Variants in CHN2 observed in about 807,000 individuals in gnomAD.
CHN2 encodes the protein beta-chimaerin.
CHN2 carries 35 observed loss-of-function variants against 56.3 expected under a neutral mutation model. The ratio of observed to expected loss-of-function variants is 0.62; its 90% CI spans 0.47 to 0.82. The LOEUF (loss-of-function observed/expected upper bound fraction) is 0.82, where lower values mean the gene tolerates loss of function less well. Ranked by LOEUF, CHN2 falls within the 40% of genes least tolerant of loss-of-function variation. The pLI, the probability that CHN2 is intolerant of heterozygous loss-of-function variation, is 0.00. For synonymous variants in CHN2, 210 were observed against 212.8 expected, an observed-to-expected ratio of 0.99 and a Z score of 0.12; for missense variants, 491 against 580.5, an observed-to-expected ratio of 0.85 and a Z score of 1.58.
chr7:29,249,658 GTTAT>G (rs1472170903), intron 1 of CHN2, among the ~76,000 whole-genome samples: 1 of 152,208 alleles, frequency 6.6e-6, no homozygotes, highest in African/African-American at 2.4e-5. Context: ...TGGATTACAG[GTTAT>G]TTGAGTGTAG....
chr7:29,482,171 C>T (rs1228085740), intron 7 of CHN2, among the ~76,000 whole-genome samples: 1 of 152,190 alleles, frequency 6.6e-6, no homozygotes, highest in Non-Finnish European at 1.5e-5. Context: ...CCGTTAACAG[C>T]TCTTGAAAGA....
chr7:29,314,088 A>G (rs1005222983), intron 1 of CHN2, among the ~76,000 whole-genome samples: 1 of 152,252 alleles, frequency 6.6e-6, no homozygotes, highest in African/African-American at 2.4e-5. Context: ...AAAATTTCCA[A>G]GAGATATTTG....
intron 1 of CHN2, among the ~76,000 whole-genome samples, chr7:29,310,080 A>C (rs1051572705): frequency 1.3e-4 from 20 of 152,356 alleles, no homozygotes; most frequent in African/African-American, 4.8e-4. Context: ...TGAAGAGTAC[A>C]ATAAACTACA....
At chr7:29,412,349 G>C in intron 6 of CHN2, among the ~76,000 whole-genome samples, 1 of 25,360 alleles carries the variant, frequency 3.9e-5, no homozygotes, top group East Asian at 1.8e-3. Flanking sequence ...TTTTTTTTTT[G>C]GGAGACGGAG....
chr7:29,323,020 G>T (rs1795481114), intron 1 of CHN2, among the ~76,000 whole-genome samples: 1 of 152,178 alleles, frequency 6.6e-6, no homozygotes, highest in Non-Finnish European at 1.5e-5. Context: ...TGGGTGTGAT[G>T]GCATGCACCT....
At chr7:29,462,980 A>G (rs1430594172) in intron 6 of CHN2, among the ~76,000 whole-genome samples, 16 of 133,658 alleles carry the variant, frequency 1.2e-4, no homozygotes, top group Middle Eastern at 4.3e-3. Flanking sequence ...GAAGAGACCT[A>G]CCTCCCCACT....
chr7:29,430,314 A>G (rs1247084614), intron 6 of CHN2, among the ~76,000 whole-genome samples: 2 of 152,222 alleles, frequency 1.3e-5, no homozygotes, highest in African/African-American at 4.8e-5. Flanking sequence ...AGTGCACAGG[A>G]AGATTGCTGT....
chr7:29,294,260 T>TGAAA (rs1007378677), intron 1 of CHN2, among the ~76,000 whole-genome samples: 1 of 152,088 alleles, frequency 6.6e-6, no homozygotes. Flanking sequence ...AAATATTAGT[T>TGAAA]GAATGAATGA....
intron 1 of CHN2, among the ~76,000 whole-genome samples, chr7:29,219,475 T>C (rs1785604513): frequency 6.6e-6 from 1 of 152,108 alleles, no homozygotes; most frequent in African/African-American, 2.4e-5. Context: ...ATTAAGATGG[T>C]AGGCTTATAA....
intron 1 of CHN2, among the ~76,000 whole-genome samples, chr7:29,318,544 G>A (rs1335083694): frequency 6.6e-6 from 1 of 152,154 alleles, no homozygotes; most frequent in African/African-American, 2.4e-5. Flanking sequence ...AGAGACAAGG[G>A]CAAGGTCAGA....
At position 29,504,763 on chromosome 7, in the gene CHN2, T is replaced by G; in HGVS notation, c.933T>G (p.Leu311=). The G allele has an allele frequency of 6.2e-7, 1 of 1,612,554 alleles. No individual in the cohort carries two copies. The highest frequency in any genetic ancestry group is 8.5e-7 in the Non-Finnish European group (1 of 1,179,314). ...TAACAGGATTAAAATCGGAAGGCCT[T>G]TACAGAGTCTCTGGGTTCACTGAAC... ...IEARGLKSEG[L]YRVSGFTEHI... is the part of the protein sequence containing the mutation. Residue 311 remains leucine (L), a synonymous_variant, in exon 10 of 13, where the codon CTT becomes CTG. Coordinates refer to ENST00000222792, the MANE Select transcript of CHN2 (RefSeq NM_004067.4).
chr7:29,285,081 C>G (rs931487989), intron 1 of CHN2, among the ~76,000 whole-genome samples: 2 of 152,200 alleles, frequency 1.3e-5, no homozygotes, highest in Non-Finnish European at 2.9e-5. Context: ...CGCTTCTGTT[C>G]TTTGCACTCC....
intron 6 of CHN2, among the ~76,000 whole-genome samples, chr7:29,435,119 A>G (rs1783126189): frequency 2.0e-5 from 3 of 152,110 alleles, no homozygotes. Context: ...AAGCAAACAA[A>G]CAAAAAAACC....
In CHN2 at chr7:29,461,149, A is replaced by G. The variant is rs192311860; in HGVS notation, c.577-19130A>G. On this transcript the variant is annotated intron_variant, in intron 6 of 12. Coordinates refer to ENST00000222792, the MANE Select transcript of CHN2 (RefSeq NM_004067.4). ...ACATGTTTTGAGCAACCAATCAAGT[A>G]TGTATTTCTCAAGGACATGCCCTTA... 2.6e-5 allele frequency among the ~76,000 whole-genome samples: 4 copies of G among 152,372 alleles called. No individual in the cohort carries two copies. In the East Asian group the frequency reaches 5.8e-4, roughly 22 times the overall value.
intron 5 of CHN2, 37 bp downstream of exon 5, chr7:29,398,523 C>A: frequency 7.6e-7 from 1 of 1,309,284 alleles, no homozygotes; most frequent in Non-Finnish European, 1.1e-6. Flanking sequence ...CATTGCTGTA[C>A]AAGTGGCTTC....
intron 1 of CHN2, among the ~76,000 whole-genome samples, chr7:29,275,108 C>G (rs945606904): frequency 2.6e-5 from 4 of 152,274 alleles, no homozygotes; most frequent in African/African-American, 9.6e-5. Context: ...CTTAACCTCT[C>G]TGGATCTCAG....
intron 6 of CHN2, among the ~76,000 whole-genome samples, chr7:29,438,237 A>G (rs1207731839): frequency 6.6e-6 from 1 of 152,246 alleles, no homozygotes; most frequent in Non-Finnish European, 1.5e-5. Flanking sequence ...CTAGAGAACC[A>G]TTAAAATTTT....
intron 4 of CHN2, among the ~76,000 whole-genome samples, chr7:29,395,048 A>G (rs1300524447): frequency 6.6e-6 from 1 of 152,168 alleles, no homozygotes; most frequent in East Asian, 1.9e-4. Flanking sequence ...TTCCACTTAA[A>G]AAGTAATACA....
intron 8 of CHN2, among the ~76,000 whole-genome samples, 191 bp downstream of exon 8, chr7:29,496,227 T>C (rs1418139533): frequency 6.7e-6 from 1 of 149,734 alleles, no homozygotes; most frequent in African/African-American, 2.5e-5. Context: ...GAATATATCA[T>C]GTTTATGCAA....
Sources: gnomAD v4.1 joint callset for allele counts (sites outside exome capture counted in the v4.1 genomes callset) on GRCh38, gnomAD v4.1.1 for gene constraint, MANE v1.5 for transcripts, NCBI Gene and HGNC (gene_info 2026-07-23, HGNC 2026-07-21) for gene names.